AGMO: variants seen among roughly 807,000 people sequenced by gnomAD.
AGMO encodes glyceryl-ether monooxygenase.
In AGMO, 75 loss-of-function variants were observed where a neutral mutation model predicts 60.2. The observed-to-expected ratio is 1.25, with a 90% CI of 1.03 to 1.51. The LOEUF (loss-of-function observed/expected upper bound fraction) is 1.51. Ranked by LOEUF, AGMO falls within the 40% of genes most tolerant of loss-of-function variation. AGMO has a pLI of 0.00. For synonymous variants in AGMO, 261 were observed against 177.1 expected (o/e 1.47, Z -3.76); for missense variants, 763 against 525.5 (o/e 1.45, Z -4.42).
chr7:15,331,838 A>T (rs1449152722), intron 12 of AGMO, among the ~76,000 whole-genome samples: 1 of 152,002 alleles, frequency 6.6e-6, no homozygotes, highest in Middle Eastern at 3.2e-3. Context: ...AGGCAAGAAA[A>T]TTGCTTGAAC....
the AGMO span, among the ~76,000 whole-genome samples, chr7:15,122,653 T>A: frequency 0.016 from 2,497 of 152,208 alleles, 42 homozygotes; most frequent in Middle Eastern, 0.027. Flanking sequence ...AACCATTGCA[T>A]TCCACTTTGA....
At chr7:15,387,919 T>TTTTTTC (rs1322592631) in intron 8 of AGMO, among the ~76,000 whole-genome samples, 1 of 146,500 alleles carries the variant, frequency 6.8e-6, no homozygotes, top group Non-Finnish European at 1.5e-5. Flanking sequence ...TTTTTTTTTT[T>TTTTTTC]TTCCCCAAGA....
chr7:15,199,593 GAA>G (rs1463752328), downstream of AGMO, among the ~76,000 whole-genome samples: 2 of 152,062 alleles, frequency 1.3e-5, no homozygotes, highest in African/African-American at 4.8e-5. Context: ...TTTACCCACT[GAA>G]AAGTCTCTAG....
intron 12 of AGMO, among the ~76,000 whole-genome samples, chr7:15,258,368 C>T (rs528982212): frequency 9.8e-4 from 148 of 151,648 alleles, no homozygotes; most frequent in Admixed American, 2.6e-3. Context: ...AACCAAATTA[C>T]CTGTTGATTC....
chr7:15,235,168 T>C (rs1782378516), intron 12 of AGMO, among the ~76,000 whole-genome samples: 1 of 152,104 alleles, frequency 6.6e-6, no homozygotes, highest in Non-Finnish European at 1.5e-5. Context: ...TTGAGTTGTG[T>C]TTTATCCAAC....
the AGMO span, among the ~76,000 whole-genome samples, chr7:15,150,056 G>C: frequency 2.0e-5 from 3 of 151,922 alleles, no homozygotes; most frequent in Non-Finnish European, 4.4e-5. Context: ...TTCTTTTTGT[G>C]GTTATTATGA....
At chr7:15,157,520 T>G in the AGMO span, among the ~76,000 whole-genome samples, 5 of 152,152 alleles carry the variant, frequency 3.3e-5, no homozygotes, top group African/African-American at 9.7e-5. Flanking sequence ...CCCACTCTCT[T>G]TTTGCCAGGC....
At chr7:15,525,719 C>A (rs537943794) in intron 3 of AGMO, among the ~76,000 whole-genome samples, 1 of 152,244 alleles carries the variant, frequency 6.6e-6, no homozygotes, top group African/African-American at 2.4e-5. Flanking sequence ...AGCCGCCCCA[C>A]TTGATGAGAA....
chr7:15,338,371 CAATAT>C (rs940166478), intron 12 of AGMO, among the ~76,000 whole-genome samples: 1 of 152,030 alleles, frequency 6.6e-6, no homozygotes, highest in African/African-American at 2.4e-5. Flanking sequence ...TAGAGAAGGA[CAATAT>C]AATTGCATTC....
chr7:15,474,814 T>A (rs983257172), intron 3 of AGMO, among the ~76,000 whole-genome samples: 4 of 151,956 alleles, frequency 2.6e-5, no homozygotes, highest in Non-Finnish European at 4.4e-5. Flanking sequence ...AAAGGGCTAA[T>A]ATCCAGAATG....
At chr7:15,219,343 A>G (rs1216888909) in intron 12 of AGMO, among the ~76,000 whole-genome samples, 1 of 152,150 alleles carries the variant, frequency 6.6e-6, no homozygotes, top group Non-Finnish European at 1.5e-5. Context: ...GTAGTTGTTC[A>G]ATTAAGTATT....
At chr7:15,288,975 G>C (rs1157352758) in intron 12 of AGMO, among the ~76,000 whole-genome samples, 1 of 151,804 alleles carries the variant, frequency 6.6e-6, no homozygotes. Flanking sequence ...GGTAGTCAGA[G>C]ATTTGCTAAG....
intron 4 of AGMO, among the ~76,000 whole-genome samples, chr7:15,426,715 T>G (rs1781073892): frequency 6.6e-6 from 1 of 152,040 alleles, no homozygotes; most frequent in African/African-American, 2.4e-5. Context: ...ACCACTGCAT[T>G]CCAACCTGGG....
the AGMO span, among the ~76,000 whole-genome samples, chr7:15,188,519 T>G: frequency 6.6e-6 from 1 of 152,192 alleles, no homozygotes. Context: ...AAAGAGAGAT[T>G]TATGAGCCAG....
At position 15,436,249 on chromosome 7, in the gene AGMO, G is replaced by A. The variant is rs115783876; in HGVS notation, c.410-5141C>T. 8.0e-3 allele frequency among the ~76,000 whole-genome samples: 1,221 copies of A among 152,258 alleles called. 16 individuals carry two copies. Among genetic ancestry groups the A allele is most frequent in the African/African-American group, 0.028 (1,151 of 41,528 alleles). On this transcript the variant is annotated intron_variant, in intron 3 of 12. Transcript: ENST00000342526. Reference sequence around the variant, plus strand: ...GCTGTAACAGAATACCTGAGGCTGTGGAATTTGTAATAAACAGGAATTTAT... The same window carrying A: ...GCTGTAACAGAATACCTGAGGCTGTAGAATTTGTAATAAACAGGAATTTAT...
the AGMO span, among the ~76,000 whole-genome samples, chr7:15,188,969 T>G: frequency 1.3e-5 from 2 of 152,074 alleles, no homozygotes; most frequent in African/African-American, 4.8e-5. Flanking sequence ...ACAGACAACT[T>G]TTTGAATGAA....
intron 3 of AGMO, among the ~76,000 whole-genome samples, chr7:15,461,099 G>A (rs559458545): frequency 6.6e-6 from 1 of 151,956 alleles, no homozygotes; most frequent in South Asian, 2.1e-4. Context: ...ATTTTATAAG[G>A]CCCCTAGATA....
chr7:15,369,429 C>G (rs961678859), intron 10 of AGMO, among the ~76,000 whole-genome samples: 1 of 152,146 alleles, frequency 6.6e-6, no homozygotes, highest in Non-Finnish European at 1.5e-5. Context: ...TTTAACTCAA[C>G]ATAAGCCATG....
intron 3 of AGMO, among the ~76,000 whole-genome samples, chr7:15,485,068 C>T (rs1782874692): frequency 2.1e-5 from 3 of 142,372 alleles, no homozygotes; most frequent in South Asian, 4.4e-4. Flanking sequence ...GAGGCCGAAG[C>T]GGGTGGATCA....
Sources: allele counts gnomAD v4.1 joint callset (sites outside exome capture counted in the v4.1 genomes callset), GRCh38; gene constraint gnomAD v4.1.1; transcripts MANE v1.5; gene names NCBI Gene and HGNC (gene_info 2026-07-23, HGNC 2026-07-21).